The following TCF4 variants were observed in gnomAD, a reference collection of about 807,000 sequenced individuals.
TCF4 encodes transcription factor 4.
A neutral mutation model predicts 82.1 loss-of-function variants in TCF4; 3 were observed. The observed-to-expected ratio is 0.04, with a 90% CI of 0.02 to 0.09. TCF4 has a LOEUF of 0.09. TCF4 is among the 10% of genes least tolerant of loss of function. The pLI is 1.00. For missense variants in TCF4, 518 were observed against 852.7 expected (o/e 0.61, Z 4.89); for synonymous variants, 276 against 309.6 (o/e 0.89, Z 1.14).
intron 6 of TCF4, among the ~76,000 whole-genome samples, chr18:55,369,844 C>T (rs936732816): frequency 6.6e-6 from 1 of 152,146 alleles, no homozygotes; most frequent in Non-Finnish European, 1.5e-5. Flanking sequence ...GAAATATCAG[C>T]TTGTCAATCT....
intron 3 of TCF4, among the ~76,000 whole-genome samples, chr18:55,543,795 C>T (rs969729119): frequency 1.3e-5 from 2 of 152,086 alleles, no homozygotes; most frequent in African/African-American, 2.4e-5. Flanking sequence ...AAGACGAAAA[C>T]GCTCAAGCAT....
intron 6 of TCF4, among the ~76,000 whole-genome samples, chr18:55,399,033 C>T (rs140292308): frequency 2.3e-4 from 35 of 152,286 alleles, no homozygotes; most frequent in East Asian, 3.9e-4. Context: ...TTTCTGCTTG[C>T]GCAAGGCCTA....
chr18:55,234,410 T>C (rs2048771885), intron 16 of TCF4, 138 bp downstream of exon 16: 1 of 1,249,098 alleles, frequency 8.0e-7, no homozygotes, highest in Admixed American at 2.0e-5. Flanking sequence ...CTTTGCCATT[T>C]CCTTACCATT....
chr18:55,348,624 T>C (rs986343516), intron 8 of TCF4, among the ~76,000 whole-genome samples: 10 of 152,180 alleles, frequency 6.6e-5, no homozygotes, highest in African/African-American at 2.4e-4. Flanking sequence ...GCCAGTTAGC[T>C]ATAGGGAAAT....
At chr18:55,444,004 A>T (rs1335316051) in intron 5 of TCF4, among the ~76,000 whole-genome samples, 3 of 152,210 alleles carry the variant, frequency 2.0e-5, no homozygotes, top group Non-Finnish European at 4.4e-5. Context: ...GATGTCACCC[A>T]GGTAGTAAAG....
intron 3 of TCF4, among the ~76,000 whole-genome samples, chr18:55,531,347 T>C (rs2097060608): frequency 6.6e-6 from 1 of 152,202 alleles, no homozygotes; most frequent in Non-Finnish European, 1.5e-5. Flanking sequence ...CTGTGACTTA[T>C]TAATCTTTAT....
chr18:55,506,467 C>T (rs2096761136), intron 3 of TCF4, among the ~76,000 whole-genome samples: 2 of 152,152 alleles, frequency 1.3e-5, no homozygotes, highest in Non-Finnish European at 2.9e-5. Flanking sequence ...GATTCTAAAA[C>T]TGCATTTTCT....
rs937588076 is a variant in TCF4, at chr18:55,599,422, A to G, written c.287-12286T>C. ...ATTATACTTAACACAAAAACTTGAGAAAAAAAGAAAGCTGCAGACTGGGTG... is the reference window on the plus strand; with the variant it reads ...ATTATACTTAACACAAAAACTTGAGGAAAAAAGAAAGCTGCAGACTGGGTG... On this transcript the variant is annotated intron_variant, in intron 2 of 20. Transcript: ENST00000398339. Among the ~76,000 whole-genome samples the G allele has an allele frequency of 1.6e-4, 25 of 152,152 alleles. 1 individual carries two copies. The highest frequency in any genetic ancestry group is 1.6e-3 in the Admixed American group (24 of 15,268).
At position 55,588,151 on chromosome 18, in the gene TCF4, G is replaced by T; in HGVS notation, c.-134C>A. 1.8e-6 allele frequency: 2 copies of T among 1,089,266 alleles called. No homozygotes were observed. The highest frequency in any genetic ancestry group is 2.2e-6 in the Non-Finnish European group (2 of 903,094). The allele number at this position is 1,089,266 out of a possible 1,614,324, so 67.5% of individuals were successfully genotyped here. On this transcript the variant is annotated 5_prime_UTR_variant, in exon 1 of 20. Coordinates refer to ENST00000354452, the MANE Select transcript of TCF4 (RefSeq NM_001083962.2). ...TCCTGCGCCCGCTCCCGCGCCTGCT[G>T]CCTCCCCGCCGCCGCCGCCGCCGCC...
chr18:55,601,600 A>G (rs548175231), intron 2 of TCF4, among the ~76,000 whole-genome samples: 1 of 152,254 alleles, frequency 6.6e-6, no homozygotes, highest in East Asian at 1.9e-4. Context: ...CCTGACCAAC[A>G]TGGTGAAACC....
intron 6 of TCF4, among the ~76,000 whole-genome samples, chr18:55,383,694 G>GC (rs1205885929): frequency 2.6e-5 from 4 of 152,204 alleles, no homozygotes; most frequent in Admixed American, 2.6e-4. Flanking sequence ...TACGGGGTTG[G>GC]CCATACATTC....
chr18:55,486,190 G>T (rs2096512080), intron 3 of TCF4, among the ~76,000 whole-genome samples: 1 of 152,170 alleles, frequency 6.6e-6, no homozygotes, highest in African/African-American at 2.4e-5. Flanking sequence ...CAGGGAAAAA[G>T]TTTTAAGTTT....
At chr18:55,382,360 C>T (rs2092046811) in intron 6 of TCF4, among the ~76,000 whole-genome samples, 1 of 152,006 alleles carries the variant, frequency 6.6e-6, no homozygotes, top group Non-Finnish European at 1.5e-5. Flanking sequence ...TTCCTCCCCT[C>T]AGAATTGTAT....
intron 5 of TCF4, among the ~76,000 whole-genome samples, chr18:55,427,994 G>A (rs2147096657): frequency 6.6e-6 from 1 of 152,244 alleles, no homozygotes. Context: ...AAACAATAGA[G>A]AAAAATCACA....
At position 55,232,792 on chromosome 18, in the gene TCF4, T is replaced by C; in HGVS notation, c.1487-121A>G. The C allele has an allele frequency of 2.3e-6, 3 of 1,290,702 alleles. No homozygotes were observed. In the Admixed American group the frequency reaches 5.8e-5, roughly 25 times the overall value. 80.0% of individuals were successfully genotyped at this position (1,290,702 alleles called of 1,614,324 possible). A position where few individuals can be genotyped will look rare whatever the true frequency, so the allele number is the denominator to read the frequency against. On this transcript the variant is annotated intron_variant, in intron 16 of 19. Coordinates refer to ENST00000354452, the MANE Select transcript of TCF4 (RefSeq NM_001083962.2). ...ACTGTGATCCTTCTGTCACTTTTTT[T>C]TCCCCCTGCTATCTGTTGAAGTTTC... is the stretch of plus-strand genomic sequence containing the variant.
At chr18:55,446,317 T>G (rs758484417) in intron 5 of TCF4, among the ~76,000 whole-genome samples, 11 of 152,246 alleles carry the variant, frequency 7.2e-5, no homozygotes, top group Non-Finnish European at 1.3e-4. Flanking sequence ...TCCAGACACC[T>G]CCTAAAATGA....
At chr18:55,409,296 GC>G (rs1001534067) in intron 5 of TCF4, among the ~76,000 whole-genome samples, 1 of 151,850 alleles carries the variant, frequency 6.6e-6, no homozygotes, top group Non-Finnish European at 1.5e-5. Flanking sequence ...CTATTGCCCT[GC>G]CCCCCAACAG....
chr18:55,243,463 T>C (rs1229843582), intron 15 of TCF4, among the ~76,000 whole-genome samples: 1 of 152,192 alleles, frequency 6.6e-6, no homozygotes, highest in Non-Finnish European at 1.5e-5. Context: ...TATACAGTAA[T>C]AGTTTCCATA....
intron 8 of TCF4, among the ~76,000 whole-genome samples, chr18:55,323,120 C>T (rs1173812221): frequency 1.3e-5 from 2 of 151,222 alleles, no homozygotes; most frequent in Admixed American, 6.6e-5. Flanking sequence ...AACAAAAAGG[C>T]GGGGGGAGGT....
Sources: gnomAD v4.1 joint callset for allele counts (sites outside exome capture counted in the v4.1 genomes callset) on GRCh38, gnomAD v4.1.1 for gene constraint, MANE v1.5 for transcripts, NCBI Gene and HGNC (gene_info 2026-07-23, HGNC 2026-07-21) for gene names.